MAST4: variants seen among roughly 807,000 people sequenced by gnomAD.
MAST4 encodes the protein microtubule associated serine/threonine kinase family member 4.
In MAST4, 89 loss-of-function variants were observed where a neutral mutation model predicts 162.7. That is an observed-to-expected ratio of 0.55 (90% CI 0.46 to 0.65). The LOEUF (loss-of-function observed/expected upper bound fraction) is 0.65, where lower values mean the gene tolerates loss of function less well. Ranked by LOEUF, MAST4 falls within the 30% of genes least tolerant of loss-of-function variation. The pLI is 0.00. For missense variants in MAST4, 3,153 were observed against 3,374.0 expected (o/e 0.93, Z 1.62); for synonymous variants, 1,479 against 1,361.1 (o/e 1.09, Z -1.91).
chr5:66,667,048 G>A (rs760440952), intron 1 of MAST4, among the ~76,000 whole-genome samples: 8 of 152,170 alleles, frequency 5.3e-5, no homozygotes, highest in Admixed American at 3.3e-4. Flanking sequence ...GGAAAGAGGC[G>A]AACATCATGC....
intron 3 of MAST4, among the ~76,000 whole-genome samples, chr5:66,819,776 T>C (rs1284072812): frequency 1.9e-4 from 1 of 5,168 alleles, no homozygotes; most frequent in Admixed American, 1.1e-3. Flanking sequence ...CACTGTGGGA[T>C]TTTTTTTTTT....
intron 4 of MAST4, among the ~76,000 whole-genome samples, chr5:66,901,002 G>A (rs1561427851): frequency 6.6e-6 from 1 of 152,066 alleles, no homozygotes; most frequent in East Asian, 1.9e-4. Flanking sequence ...CCATCTCCCT[G>A]TGCTAGAGTT....
At chr5:66,744,439 C>T (rs936109060) in intron 1 of MAST4, among the ~76,000 whole-genome samples, 4 of 152,238 alleles carry the variant, frequency 2.6e-5, no homozygotes, top group African/African-American at 2.4e-5. Context: ...AGAGCTTAAA[C>T]GTTATTTTAT....
intron 1 of MAST4, among the ~76,000 whole-genome samples, chr5:66,722,515 A>G (rs1751280140): frequency 6.9e-6 from 1 of 145,856 alleles, no homozygotes. Context: ...TTATTTATTT[A>G]TTGTCCACCT....
At chr5:66,817,841 G>C (rs1022907083) in intron 3 of MAST4, among the ~76,000 whole-genome samples, 1 of 152,158 alleles carries the variant, frequency 6.6e-6, no homozygotes, top group Non-Finnish European at 1.5e-5. Flanking sequence ...CTTTATATCA[G>C]TGTATAAAAC....
At chr5:66,609,463 C>T (rs187997228) in intron 1 of MAST4, among the ~76,000 whole-genome samples, 1 of 148,338 alleles carries the variant, frequency 6.7e-6, no homozygotes, top group Non-Finnish European at 1.5e-5. Flanking sequence ...CATCTCAGCT[C>T]ACTGCAGCCT....
chr5:66,981,341 T>C (rs1165654348), intron 4 of MAST4, among the ~76,000 whole-genome samples: 1 of 152,246 alleles, frequency 6.6e-6, no homozygotes, highest in Admixed American at 6.5e-5. Context: ...CAGTCAATTG[T>C]TCGTTTCTCT....
chr5:66,868,454 C>T (rs562848247), intron 3 of MAST4, among the ~76,000 whole-genome samples: 4 of 142,912 alleles, frequency 2.8e-5, no homozygotes, highest in African/African-American at 1.0e-4. Context: ...TGTGTATATA[C>T]GTATATGTAT....
At chr5:66,717,855 G>C (rs1228836255) in intron 1 of MAST4, among the ~76,000 whole-genome samples, 2 of 152,046 alleles carry the variant, frequency 1.3e-5, no homozygotes, top group Non-Finnish European at 2.9e-5. Flanking sequence ...GGTATTCATT[G>C]TCTCAGTCAT....
At chr5:66,615,805 A>G (rs1442356677) in intron 1 of MAST4, among the ~76,000 whole-genome samples, 1 of 152,148 alleles carries the variant, frequency 6.6e-6, no homozygotes, top group East Asian at 1.9e-4. Flanking sequence ...GAGATCCTTG[A>G]CTCAAAGAAA....
intron 4 of MAST4, among the ~76,000 whole-genome samples, chr5:66,914,638 G>A (rs1330761505): frequency 6.6e-6 from 1 of 152,042 alleles, no homozygotes; most frequent in Non-Finnish European, 1.5e-5. Flanking sequence ...GGACTCAGAG[G>A]GTTACATCAT....
intron 5 of MAST4, among the ~76,000 whole-genome samples, chr5:67,078,930 ATATATATAT>A (rs1343080031): frequency 1.4e-4 from 9 of 63,118 alleles, no homozygotes; most frequent in African/African-American, 5.8e-4. Context: ...ATATATATAT[ATATATATAT>A]ATATATATAT....
intron 4 of MAST4, among the ~76,000 whole-genome samples, chr5:66,968,416 T>TC (rs1747011980): frequency 6.6e-6 from 1 of 152,216 alleles, no homozygotes; most frequent in Admixed American, 6.5e-5. Flanking sequence ...TCTCCCTGTT[T>TC]CAGCTGTGAC....
At chr5:66,902,741 C>T (rs1159463534) in intron 4 of MAST4, 1 of 463,914 alleles carries the variant, frequency 2.2e-6, no homozygotes, top group African/African-American at 2.0e-5. Flanking sequence ...TGTCAGGTAA[C>T]TCCAGATCAC....
At chr5:66,842,441 T>A (rs1758495812) in intron 3 of MAST4, among the ~76,000 whole-genome samples, 1 of 152,128 alleles carries the variant, frequency 6.6e-6, no homozygotes, top group Admixed American at 6.6e-5. Context: ...TGTGGCTCCT[T>A]CCCCTACCCC....
chr5:66,982,262 T>C (rs1748950860), intron 4 of MAST4, among the ~76,000 whole-genome samples: 1 of 152,134 alleles, frequency 6.6e-6, no homozygotes, highest in Non-Finnish European at 1.5e-5. Flanking sequence ...CATCCTGTGT[T>C]TGAGAGTGTG....
intron 1 of MAST4, among the ~76,000 whole-genome samples, chr5:66,617,029 G>T (rs1353008882): frequency 6.6e-6 from 1 of 152,164 alleles, no homozygotes; most frequent in African/African-American, 2.4e-5. Flanking sequence ...TTCATATCTG[G>T]ACTGAAAGGA....
chr5:66,597,711 G>C (rs1000581376), intron 1 of MAST4, among the ~76,000 whole-genome samples: 14 of 152,114 alleles, frequency 9.2e-5, no homozygotes, highest in African/African-American at 3.4e-4. Flanking sequence ...GGGGCGGAGC[G>C]GGGTGGGGGA....
At chr5:67,042,521 C>CTT (rs957324073) in intron 4 of MAST4, among the ~76,000 whole-genome samples, 1 of 138,530 alleles carries the variant, frequency 7.2e-6, no homozygotes, top group African/African-American at 2.7e-5. Context: ...CCTTTGACCT[C>CTT]TTTTTTTTTT....
Sources: gnomAD v4.1 joint callset for allele counts (sites outside exome capture counted in the v4.1 genomes callset) on GRCh38, gnomAD v4.1.1 for gene constraint, MANE v1.5 for transcripts, NCBI Gene and HGNC (gene_info 2026-07-23, HGNC 2026-07-21) for gene names.